SMAD3: variants seen among roughly 807,000 people sequenced by gnomAD.
SMAD3 encodes MAD homolog 3.
SMAD3 carries 12 observed loss-of-function variants against 51.8 expected under a neutral mutation model. That is an observed-to-expected ratio of 0.23 (90% CI 0.15 to 0.38). The LOEUF is 0.38. Among genes scored for constraint, SMAD3 ranks in the 10% least tolerant of loss-of-function variants. SMAD3 has a pLI of 1.00. For synonymous variants in SMAD3, 238 were observed against 227.7 expected (o/e 1.05, Z -0.41); for missense variants, 294 against 565.6 (o/e 0.52, Z 4.87).
At chr15:67,178,308 C>T (rs536064605) in intron 5 of SMAD3, among the ~76,000 whole-genome samples, 12 of 152,256 alleles carry the variant, frequency 7.9e-5, no homozygotes, top group Admixed American at 2.0e-4. Context: ...GCTGGGTTGC[C>T]GTTCCTGGGA....
chr15:67,182,875 C>T lies in SMAD3; in HGVS notation c.871+1422C>T, dbSNP rs954208607. Among the ~76,000 whole-genome samples the T allele has an allele frequency of 3.3e-5, 5 of 150,406 alleles. No homozygotes were observed. In the East Asian group the frequency reaches 7.8e-4, roughly 23 times the overall value. Reference sequence around the variant, plus strand: ...TTAGAGATAGGGTCTTGCTATGTTGCCCAGGCCCAGTCGCAAACTCTTGGG... The same window carrying T: ...TTAGAGATAGGGTCTTGCTATGTTGTCCAGGCCCAGTCGCAAACTCTTGGG... On this transcript the variant is annotated intron_variant, in intron 6 of 8. Coordinates refer to ENST00000327367, the MANE Select transcript of SMAD3 (RefSeq NM_005902.4).
chr15:67,113,076 G>GTATATATATATATATATATATATATATA (rs1555408269), intron 1 of SMAD3, among the ~76,000 whole-genome samples: 1 of 34,972 alleles, frequency 2.9e-5, no homozygotes, highest in Non-Finnish European at 5.8e-5. Context: ...ATATATATGT[G>GTATATATATATATATATATATATATATA]TATATATATA....
intron 1 of SMAD3, among the ~76,000 whole-genome samples, chr15:67,090,940 C>T (rs1307453278): frequency 1.3e-5 from 2 of 152,144 alleles, no homozygotes; most frequent in Non-Finnish European, 2.9e-5. Context: ...TTACCTGCTG[C>T]AGGGTTGCGT....
intron 4 of SMAD3, among the ~76,000 whole-genome samples, chr15:67,167,824 G>C (rs753093748): frequency 1.3e-5 from 2 of 152,194 alleles, no homozygotes. Context: ...GTTGGGAGAG[G>C]AGGAGAAGGG....
chr15:67,091,374 G>A (rs1220360289), intron 1 of SMAD3, among the ~76,000 whole-genome samples: 1 of 152,208 alleles, frequency 6.6e-6, no homozygotes, highest in Admixed American at 6.5e-5. Context: ...CCAGTAGCCT[G>A]CCCTTCCGCA....
At chr15:67,130,440 C>T (rs562697956) in intron 1 of SMAD3, among the ~76,000 whole-genome samples, 125 of 152,268 alleles carry the variant, frequency 8.2e-4, no homozygotes, top group African/African-American at 2.8e-3. Context: ...GCCAGAGCTC[C>T]GCCTCCTGTC....
chr15:67,130,969 G>T (rs1001246784), intron 1 of SMAD3, among the ~76,000 whole-genome samples: 5 of 152,180 alleles, frequency 3.3e-5, no homozygotes, highest in Non-Finnish European at 7.3e-5. Flanking sequence ...TACCTGCCAC[G>T]CTGGGAATGC....
Position 67,193,651 on chromosome 15 carries a change from C to G in SMAD3, c.*3115C>G, listed in dbSNP as rs938627021. The G allele has an allele frequency of 1.7e-5, 4 of 232,898 alleles. No homozygotes were observed. The highest frequency in any genetic ancestry group is 8.9e-5 in the African/African-American group (4 of 45,162). 14.4% of individuals were successfully genotyped at this position (232,898 alleles called of 1,614,324 possible). A position where few individuals can be genotyped will look rare whatever the true frequency, so the allele number is the denominator to read the frequency against. On this transcript the variant is annotated 3_prime_UTR_variant, in exon 9 of 9. Coordinates refer to ENST00000327367, the MANE Select transcript of SMAD3 (RefSeq NM_005902.4). ...AGGAAGAGCACACATGAGGGCAAGG[C>G]TGCTGGCAGACGTCTCCATTGTCCT... is the stretch of plus-strand genomic sequence containing the variant.
chr15:67,189,903 G>T (rs916378811), intron 8 of SMAD3, among the ~76,000 whole-genome samples: 4 of 151,978 alleles, frequency 2.6e-5, no homozygotes, highest in Admixed American at 6.6e-5. Flanking sequence ...CAGCACATTG[G>T]GAACCGAAGG....
intron 5 of SMAD3, among the ~76,000 whole-genome samples, chr15:67,172,674 C>T (rs1010224697): frequency 1.4e-4 from 21 of 152,116 alleles, no homozygotes; most frequent in African/African-American, 3.4e-4. Flanking sequence ...ATTAGGAAAC[C>T]GGGGAACACA....
At chr15:67,086,949 G>T (rs8035486) in intron 1 of SMAD3, among the ~76,000 whole-genome samples, 81,823 of 149,862 alleles carry the variant, frequency 0.55, 22,545 homozygotes, top group South Asian at 0.73. Context: ...AGGCTGGAGT[G>T]CAGTGGTGCG....
intron 1 of SMAD3, among the ~76,000 whole-genome samples, chr15:67,102,353 C>T (rs771699353): frequency 1.4e-4 from 22 of 151,934 alleles, no homozygotes; most frequent in Non-Finnish European, 2.2e-4. Flanking sequence ...CAGATTTAAC[C>T]ACTGTTTTTT....
chr15:67,183,031 A>ATTTTTTTTTTTTTTTT (rs57749736), intron 6 of SMAD3, among the ~76,000 whole-genome samples: 3 of 29,702 alleles, frequency 1.0e-4, no homozygotes, highest in African/African-American at 5.0e-4. Flanking sequence ...ATATATATAT[A>ATTTTTTTTTTTTTTTT]TTTTTTTTTT....
intron 1 of SMAD3, among the ~76,000 whole-genome samples, chr15:67,151,177 A>G (rs1322655659): frequency 6.6e-6 from 1 of 151,694 alleles, no homozygotes; most frequent in Non-Finnish European, 1.5e-5. Context: ...CAGTCTTAAG[A>G]CATTCATATA....
At chr15:67,115,818 G>A (rs980685236) in intron 1 of SMAD3, among the ~76,000 whole-genome samples, 5 of 152,240 alleles carry the variant, frequency 3.3e-5, no homozygotes, top group Admixed American at 2.6e-4. Context: ...CAAATGCTAG[G>A]AGTCATGCAT....
Position 67,190,867 on chromosome 15 carries a change from C to G in SMAD3, c.*331C>G, listed in dbSNP as rs1963344953. ...GACTCTTTTTTTGAGTGACAGCTTT[C>G]TGGGATGTCACAGTCCAACCAGAAA... On this transcript the variant is annotated 3_prime_UTR_variant, in exon 9 of 9. Transcript: ENST00000327367. The G allele has an allele frequency of 4.7e-6, 2 of 426,416 alleles. No homozygotes were observed. The highest frequency in any genetic ancestry group is 5.6e-5 in the South Asian group (2 of 35,656). The allele number at this position is 426,416 out of a possible 1,614,324, so 26.4% of individuals were successfully genotyped here.
chr15:67,098,023 G>T (rs1053580931), intron 1 of SMAD3, among the ~76,000 whole-genome samples: 1 of 152,166 alleles, frequency 6.6e-6, no homozygotes, highest in African/African-American at 2.4e-5. Context: ...TCCCTACTAA[G>T]CCTTGGTTTA....
At chr15:67,188,148 C>CTTTTTTTTTTTT (rs11367565) in intron 8 of SMAD3, among the ~76,000 whole-genome samples, 61 of 115,986 alleles carry the variant, frequency 5.3e-4, no homozygotes, top group African/African-American at 7.2e-4. Flanking sequence ...TTTTCTTTTT[C>CTTTTTTTTTTTT]TTTTTTTTTT....
rs1299517586 is a variant in SMAD3, at chr15:67,066,184, G to T, written c.30G>T (p.Pro10=). The T allele has an allele frequency of 7.5e-6, 12 of 1,609,516 alleles. No individual in the cohort carries two copies. The highest frequency in any genetic ancestry group is 1.0e-5 in the Non-Finnish European group (12 of 1,178,386). MSSILPFTP[P]IVKRLLGWKK... ...CGTCCATCCTGCCTTTCACTCCCCCGATCGTGAAGCGCCTGCTGGGCTGGA... is the reference window on the plus strand; with the variant it reads ...CGTCCATCCTGCCTTTCACTCCCCCTATCGTGAAGCGCCTGCTGGGCTGGA... The change falls in exon 1 of 9, where the codon CCG becomes CCT. Residue 10 remains proline, a synonymous_variant. Transcript: ENST00000327367.
Sources: gnomAD v4.1 joint callset for allele counts (sites outside exome capture counted in the v4.1 genomes callset) on GRCh38, gnomAD v4.1.1 for gene constraint, MANE v1.5 for transcripts, NCBI Gene and HGNC (gene_info 2026-07-23, HGNC 2026-07-21) for gene names.